The following VPS53 variants were observed in gnomAD, a reference collection of about 807,000 sequenced individuals.
The protein encoded by VPS53 is VPS53 subunit of GARP complex.
Under a neutral mutation model 107.0 loss-of-function variants are expected in VPS53, and 70 were observed. The observed-to-expected ratio is 0.65, with a 90% CI of 0.54 to 0.80. The LOEUF is 0.80. Ranked by LOEUF, VPS53 falls within the 30% of genes least tolerant of loss-of-function variation. The pLI is 0.00. For synonymous variants in VPS53, 409 were observed against 393.3 expected, an observed-to-expected ratio of 1.04 and a Z score of -0.47; for missense variants, 917 against 1,049.4, an observed-to-expected ratio of 0.87 and a Z score of 1.74.
chr17:620,520 TC>T (rs1409198307), intron 11 of VPS53, among the ~76,000 whole-genome samples: 2 of 152,108 alleles, frequency 1.3e-5, no homozygotes, highest in Non-Finnish European at 2.9e-5. Context: ...ACACATTAGC[TC>T]CGTGGCCTGG....
intron 13 of VPS53, among the ~76,000 whole-genome samples, chr17:581,691 C>G (rs1266029512): frequency 6.6e-6 from 1 of 151,404 alleles, no homozygotes; most frequent in African/African-American, 2.4e-5. Flanking sequence ...CCCGGAAAAC[C>G]TTCCTCAGAA....
At chr17:630,901 G>A (rs927531307) in intron 8 of VPS53, among the ~76,000 whole-genome samples, 10 of 152,080 alleles carry the variant, frequency 6.6e-5, no homozygotes, top group South Asian at 2.1e-4. Flanking sequence ...TTTCCTGTCC[G>A]ACACATGCTA....
intron 17 of VPS53, among the ~76,000 whole-genome samples, chr17:546,327 T>TATCACACA (rs1555549991): frequency 1.1e-5 from 1 of 93,118 alleles, no homozygotes; most frequent in Non-Finnish European, 2.2e-5. Flanking sequence ...ATCTTAGATA[T>TATCACACA]CTCACACACA....
At chr17:671,328 G>A (rs1659488858) in intron 4 of VPS53, among the ~76,000 whole-genome samples, 1 of 145,618 alleles carries the variant, frequency 6.9e-6, no homozygotes, top group Non-Finnish European at 1.5e-5. Flanking sequence ...AAAGAAAAGA[G>A]AGACAGGAAA....
In VPS53 at chr17:697,545, G is replaced by A; in HGVS notation, c.219-61C>T. The A allele has an allele frequency of 1.2e-5, 17 of 1,397,836 alleles. No individual in the cohort carries two copies. The Admixed American group carries it at 2.3e-4, about 19-fold the overall frequency. The allele number at this position is 1,397,836 out of a possible 1,614,324, so 86.6% of individuals were successfully genotyped here. A position where few individuals can be genotyped will look rare whatever the true frequency, so the allele number is the denominator to read the frequency against. ...AATCTTTATTCTAGGTTGACCAAAAGAAAAAAAGTAAAAAGTAATTTATTC... is the reference window on the plus strand; with the variant it reads ...AATCTTTATTCTAGGTTGACCAAAAAAAAAAAAGTAAAAAGTAATTTATTC... On this transcript the variant is annotated intron_variant, in intron 3 of 21. Transcript: ENST00000437048.
chr17:551,053 A>C (rs1911772800), intron 17 of VPS53, among the ~76,000 whole-genome samples: 1 of 152,130 alleles, frequency 6.6e-6, no homozygotes, highest in Non-Finnish European at 1.5e-5. Context: ...GTCAGATACT[A>C]ATCAAAGATA....
intron 12 of VPS53, among the ~76,000 whole-genome samples, chr17:587,619 T>C (rs1967387063): frequency 6.6e-6 from 1 of 152,156 alleles, no homozygotes; most frequent in Admixed American, 6.5e-5. Context: ...TAAAACAATA[T>C]TTGCCACTTA....
At chr17:618,305 C>T (rs567925654) in intron 11 of VPS53, among the ~76,000 whole-genome samples, 6 of 95,450 alleles carry the variant, frequency 6.3e-5, no homozygotes, top group Admixed American at 1.0e-4. Context: ...CGTGCGCCAC[C>T]ACGCCCCACT....
intron 4 of VPS53, among the ~76,000 whole-genome samples, chr17:670,671 G>A (rs998857690): frequency 3.9e-5 from 6 of 152,190 alleles, no homozygotes; most frequent in African/African-American, 1.4e-4. Context: ...TGCGCCATCA[G>A]AGAATGATGC....
intron 4 of VPS53, among the ~76,000 whole-genome samples, chr17:663,533 C>G (rs978429399): frequency 6.6e-6 from 1 of 152,164 alleles, no homozygotes; most frequent in African/African-American, 2.4e-5. Flanking sequence ...GCTAAAGTAC[C>G]TGTGAGTGCC....
rs999469074 is a variant in VPS53 at position 519,041 on chromosome 17, G to A, written c.*87C>T. The A allele has an allele frequency of 2.2e-6, 3 of 1,376,566 alleles. No individual in the cohort carries two copies. Among genetic ancestry groups the A allele is most frequent in the African/African-American group, 1.5e-5 (1 of 67,836 alleles). The allele number at this position is 1,376,566 out of a possible 1,614,324, so 85.3% of individuals were successfully genotyped here. A position where few individuals can be genotyped will look rare whatever the true frequency, so the allele number is the denominator to read the frequency against. ...AAGTTTGAAGACCGACGATGTGAGAGTGCCGGGGAGCACAGGAGAGGTTGG... is the reference window on the plus strand; with the variant it reads ...AAGTTTGAAGACCGACGATGTGAGAATGCCGGGGAGCACAGGAGAGGTTGG... On this transcript the variant is annotated 3_prime_UTR_variant, in exon 22 of 22. Transcript: ENST00000437048. The surrounding 1 kb of genome is among the most constrained non-coding windows in gnomAD (Gnocchi z 5.0).
chr17:566,270 C>T (rs1206813295), intron 13 of VPS53, among the ~76,000 whole-genome samples: 13 of 151,968 alleles, frequency 8.6e-5, no homozygotes, highest in Admixed American at 8.5e-4. Flanking sequence ...GTAGGCAATG[C>T]TAATCAACAA....
intron 13 of VPS53, among the ~76,000 whole-genome samples, chr17:575,699 G>T (rs1161368641): frequency 4.0e-5 from 6 of 149,156 alleles, no homozygotes; most frequent in Non-Finnish European, 7.4e-5. Context: ...ACCTCAATGC[G>T]TTCCCAGAGA....
chr17:550,981 C>T (rs771382151), intron 17 of VPS53, among the ~76,000 whole-genome samples: 1 of 152,166 alleles, frequency 6.6e-6, no homozygotes, highest in African/African-American at 2.4e-5. Flanking sequence ...TCAGAAGTTA[C>T]TACTTTAAGC....
In VPS53 at chr17:518,275, C is replaced by T. The variant is rs1246901135; in HGVS notation, c.*853G>A. 1 of 126,234 alleles carries T rather than the reference C, an allele frequency of 7.9e-6. No individual in the cohort carries two copies. The highest frequency in any genetic ancestry group is 3.3e-5 in the African/African-American group (1 of 30,162). The allele number at this position is 126,234 out of a possible 1,614,324, so 7.8% of individuals were successfully genotyped here. On this transcript the variant is annotated 3_prime_UTR_variant, in exon 22 of 22. Transcript: ENST00000437048. ...CCTGCTGCAGAGAGCCCGCGGTGGACAGGAAGGGCGGGGGGGGCGGGCAGG... is the reference window on the plus strand; with the variant it reads ...CCTGCTGCAGAGAGCCCGCGGTGGATAGGAAGGGCGGGGGGGGCGGGCAGG...
chr17:538,411 A>G (rs1910286157), intron 17 of VPS53: 1 of 152,252 alleles, frequency 6.6e-6, no homozygotes, highest in South Asian at 2.1e-4. Flanking sequence ...AACACAAACC[A>G]TATAATATGT....
At chr17:694,729 G>C (rs1449801479) in intron 4 of VPS53, among the ~76,000 whole-genome samples, 1 of 152,166 alleles carries the variant, frequency 6.6e-6, no homozygotes, top group Non-Finnish European at 1.5e-5. Flanking sequence ...ATCTTAGACA[G>C]ACAAAATATT....
At chr17:693,011 G>A (rs1019489422) in intron 4 of VPS53, among the ~76,000 whole-genome samples, 6 of 152,200 alleles carry the variant, frequency 3.9e-5, no homozygotes, top group Admixed American at 2.0e-4. Context: ...GTGCATGCCT[G>A]TAATCCCAGC....
At chr17:704,619 T>C (rs1973331611) in intron 2 of VPS53, among the ~76,000 whole-genome samples, 1 of 152,182 alleles carries the variant, frequency 6.6e-6, no homozygotes, top group South Asian at 2.1e-4. Context: ...ACTCTGAGAC[T>C]AGAGAAGTAA....
Sources: gnomAD v4.1 joint callset for allele counts (sites outside exome capture counted in the v4.1 genomes callset) on GRCh38, gnomAD v4.1.1 for gene constraint, Gnocchi (gnomAD v3.1) non-coding constraint, MANE v1.5 for transcripts, NCBI Gene and HGNC (gene_info 2026-07-23, HGNC 2026-07-21) for gene names.